The following CATSPERG variants were observed in gnomAD, a reference collection of about 807,000 sequenced individuals.
The protein encoded by CATSPERG is catsper channel auxiliary subunit gamma.
In CATSPERG, 115 loss-of-function variants were observed where a neutral mutation model predicts 145.0. The ratio of observed to expected loss-of-function variants is 0.79; its 90% CI spans 0.68 to 0.93. The LOEUF (loss-of-function observed/expected upper bound fraction) is 0.93. CATSPERG is among the 40% of genes least tolerant of loss of function. The pLI is 0.00. For synonymous variants in CATSPERG, 588 were observed against 589.0 expected (o/e 1.00, Z 0.02); for missense variants, 1,296 against 1,490.1 (o/e 0.87, Z 2.14).
At chr19:38,359,775 A>C (rs1970311976) in intron 14 of CATSPERG, 194 bp downstream of exon 14, 2 of 1,338,798 alleles carry the variant, frequency 1.5e-6, no homozygotes, top group East Asian at 6.1e-5. Context: ...AGTCACGCAG[A>C]CCGGAGCTAT....
In CATSPERG at chr19:38,343,631, G is replaced by GA; in HGVS notation, c.376_377insA (p.Val126AspfsTer41). 1 of 1,551,528 alleles carries GA rather than the reference G, an allele frequency of 6.4e-7. No individual in the cohort carries two copies. The highest frequency in any genetic ancestry group is 8.7e-7 in the Non-Finnish European group (1 of 1,146,950). ...CCACCTGACGGGGCTAAAGCCCCTG[G>GA]TGCTGGTCACCTTCCAGTCCCCAGT... On this transcript the variant is annotated frameshift_variant, in exon 4 of 29. Transcript: ENST00000409235. LOFTEE classifies it high-confidence loss of function.
In CATSPERG at chr19:38,352,397, C is replaced by T. The variant is rs1217659341; in HGVS notation, c.962C>T (p.Thr321Ile). Residue 321 changes from threonine to isoleucine, a missense_variant, in exon 8 of 29, where the codon ACC (threonine) becomes ATC (isoleucine). By Grantham distance (89) the Thr-to-Ile change is moderately conservative (BLOSUM62 -1). Coordinates refer to ENST00000409235, the MANE Select transcript of CATSPERG (RefSeq NM_021185.5). ...CAGCTGGTCTACTATTTTACAGGCA[C>T]CTATACCACACTCTATGAGAGAAAC... ...QNQLVYYFTG[T>I]YTTLYERNRG... 9 of 1,551,788 alleles carry T rather than the reference C, an allele frequency of 5.8e-6. No individual in the cohort carries two copies. The Admixed American group carries it at 5.9e-5, about 10-fold the overall frequency.
At chr19:38,350,346 C>A (rs1042685470) in intron 7 of CATSPERG, among the ~76,000 whole-genome samples, 1 of 152,142 alleles carries the variant, frequency 6.6e-6, no homozygotes, top group Non-Finnish European at 1.5e-5. Flanking sequence ...TTTCTCGCCT[C>A]ATCTCTTGGA....
In CATSPERG at chr19:38,353,310, G is replaced by C. The variant is rs925306335; in HGVS notation, c.997+878G>C. 2.0e-5 allele frequency among the ~76,000 whole-genome samples: 3 copies of C among 151,938 alleles called. No individual in the cohort carries two copies. In the East Asian group the frequency reaches 5.8e-4, roughly 29 times the overall value. On this transcript the variant is annotated intron_variant, in intron 8 of 28. Coordinates refer to ENST00000409235, the MANE Select transcript of CATSPERG (RefSeq NM_021185.5). ...GTTCACGTCACTGCACTCCAGCCTG[G>C]CCAACAGAGCGAGACTCAGTTTAAA...
intron 11 of CATSPERG, 77 bp downstream of exon 11, chr19:38,356,938 A>G: frequency 6.4e-7 from 1 of 1,569,320 alleles, no homozygotes; most frequent in Middle Eastern, 1.8e-4. Flanking sequence ...ATCCTGAGGG[A>G]TCTGTGCCCA....
At chr19:38,367,605 G>A (rs746277609) in intron 24 of CATSPERG, 33 bp downstream of exon 24, 3 of 1,613,030 alleles carry the variant, frequency 1.9e-6, no homozygotes, top group East Asian at 2.2e-5. Flanking sequence ...GCTAGGGCAG[G>A]TGGAGGGAGT....
intron 20 of CATSPERG, among the ~76,000 whole-genome samples, chr19:38,364,417 A>G (rs1278109473): frequency 6.6e-6 from 1 of 151,898 alleles, no homozygotes; most frequent in Non-Finnish European, 1.5e-5. Flanking sequence ...GGCCGGGCAG[A>G]GACGCTCCTC....
intron 9 of CATSPERG, among the ~76,000 whole-genome samples, chr19:38,356,119 A>G (rs1237994403): frequency 3.9e-5 from 6 of 152,154 alleles, no homozygotes; most frequent in East Asian, 3.8e-4. Context: ...TTAGGTAGCT[A>G]TTCCTCCATG....
chr19:38,360,050 G>A (rs927077710), intron 14 of CATSPERG: 1 of 985,178 alleles, frequency 1.0e-6, no homozygotes, highest in African/African-American at 1.7e-5. Context: ...GGCTCAGGAA[G>A]GGGAGTGAAG....
At chr19:38,368,193 C>T (rs1351449956) in intron 26 of CATSPERG, 56 bp downstream of exon 26, 5 of 1,481,716 alleles carry the variant, frequency 3.4e-6, no homozygotes, top group Non-Finnish European at 4.7e-6. Flanking sequence ...CCATTGGGCC[C>T]ACCTATCCTT....
intron 6 of CATSPERG, 95 bp downstream of exon 6, chr19:38,344,463 G>C: frequency 1.9e-6 from 2 of 1,073,490 alleles, no homozygotes; most frequent in South Asian, 2.7e-5. Flanking sequence ...CATTTAGGGA[G>C]CACCAACTTC....
At chr19:38,336,232 G>A (rs1600435534) in intron 1 of CATSPERG, 7 of 456,632 alleles carry the variant, frequency 1.5e-5, no homozygotes, top group African/African-American at 4.0e-5. Context: ...AGAAGCTGGT[G>A]CCGGCGTGGA....
chr19:38,343,383 T>G (rs1300319024), intron 3 of CATSPERG, among the ~76,000 whole-genome samples, 197 bp from the exon 4 acceptor site: 1 of 152,068 alleles, frequency 6.6e-6, no homozygotes, highest in African/African-American at 2.4e-5. Context: ...CCACAGCCCC[T>G]TACCCCTCTG....
chr19:38,364,990 G>T lies in CATSPERG; in HGVS notation c.2556+19G>T, dbSNP rs759951850. On this transcript the variant is annotated intron_variant, in intron 21 of 28. Coordinates refer to ENST00000409235, the MANE Select transcript of CATSPERG (RefSeq NM_021185.5). Reference sequence around the variant, plus strand: ...GGTCAATGTGAGGTCCAAGCCTGGAGGGGAGGGTGCAGGATGGTGGGAAAG... The same window carrying T: ...GGTCAATGTGAGGTCCAAGCCTGGATGGGAGGGTGCAGGATGGTGGGAAAG... 1.4e-5 allele frequency: 23 copies of T among 1,613,532 alleles called. No homozygotes were observed. The highest frequency in any genetic ancestry group is 1.9e-5 in the Non-Finnish European group (22 of 1,179,560).
At position 38,360,779 on chromosome 19, in the gene CATSPERG, G is replaced by A. The variant is rs200471284; in HGVS notation, c.1816G>A (p.Val606Met). ...NQKGQLVKRL[V>M]PVEQLLMYQQ... ...GAAGGGCCAGCTGGTCAAGAGGCTCGTGCCCGTGGAGCAGCTTCTGATGTA... is the reference window on the plus strand; with the variant it reads ...GAAGGGCCAGCTGGTCAAGAGGCTCATGCCCGTGGAGCAGCTTCTGATGTA... The change falls in exon 16 of 29, where the codon GTG becomes ATG. Residue 606 changes from valine (V) to methionine (M), a missense_variant. By Grantham distance (21) the Val-to-Met change is conservative. Coordinates refer to ENST00000409235, the MANE Select transcript of CATSPERG (RefSeq NM_021185.5). 4.3e-5 allele frequency: 70 copies of A among 1,612,704 alleles called. No individual in the cohort carries two copies. The East Asian group carries it at 1.3e-3, about 29-fold the overall frequency.
intron 13 of CATSPERG, 140 bp downstream of exon 13, chr19:38,358,701 G>A: frequency 9.9e-7 from 1 of 1,008,194 alleles, no homozygotes; most frequent in Non-Finnish European, 1.5e-6. Context: ...TACCAGGACT[G>A]TGATGAGGAA....
intron 6 of CATSPERG, among the ~76,000 whole-genome samples, chr19:38,345,984 G>A (rs978567091): frequency 2.6e-5 from 4 of 152,170 alleles, no homozygotes; most frequent in Admixed American, 1.3e-4. Context: ...ATGGCAAACC[G>A]GCAAACTGGT....
At chr19:38,362,317 C>T (rs988049920) in intron 18 of CATSPERG, 45 bp downstream of exon 18, 1 of 1,613,206 alleles carries the variant, frequency 6.2e-7, no homozygotes, top group Non-Finnish European at 8.5e-7. Flanking sequence ...GGCGCCCGGA[C>T]ACCCCTCACC....
chr19:38,338,773 C>G (rs1051406827), intron 3 of CATSPERG, among the ~76,000 whole-genome samples: 1 of 152,112 alleles, frequency 6.6e-6, no homozygotes, highest in African/African-American at 2.4e-5. Flanking sequence ...AATGCTAAGG[C>G]AGGATCATCA....
Sources: allele counts gnomAD v4.1 joint callset (sites outside exome capture counted in the v4.1 genomes callset), GRCh38; gene constraint gnomAD v4.1.1; transcripts MANE v1.5; gene names NCBI Gene and HGNC (gene_info 2026-07-23, HGNC 2026-07-21).